Variants in USP48 observed in about 807,000 individuals in gnomAD.
USP48 encodes ubiquitin specific peptidase 48, also known as ubiquitin carboxyl-terminal hydrolase 48.
USP48 carries 43 observed loss-of-function variants against 150.7 expected under a neutral mutation model. The ratio of observed to expected loss-of-function variants is 0.29; its 90% CI spans 0.22 to 0.37. The LOEUF is 0.37. USP48 is among the 10% of genes least tolerant of loss of function. USP48 has a pLI of 1.00. For missense variants in USP48, 813 were observed against 1,249.6 expected, an observed-to-expected ratio of 0.65 and a Z score of 5.27; for synonymous variants, 396 against 425.9, an observed-to-expected ratio of 0.93 and a Z score of 0.86.
chr1:21,778,222 C>T (rs1263084575), intron 1 of USP48, among the ~76,000 whole-genome samples: 1 of 151,458 alleles, frequency 6.6e-6, no homozygotes, highest in Non-Finnish European at 1.5e-5. Flanking sequence ...TAAAAGCACG[C>T]AAAGGATTTA....
intron 3 of USP48, among the ~76,000 whole-genome samples, chr1:21,753,711 C>T (rs1374679998): frequency 6.6e-6 from 1 of 150,642 alleles, no homozygotes; most frequent in African/African-American, 2.4e-5. Context: ...CCTGTAATCC[C>T]TGCTACTTGG....
In USP48 at chr1:21,736,434, T is replaced by C. The variant is rs757632072; in HGVS notation, c.1171+12A>G. The C allele has an allele frequency of 1.9e-6, 3 of 1,589,764 alleles. No individual in the cohort carries two copies. The highest frequency in any genetic ancestry group is 2.6e-6 in the Non-Finnish European group (3 of 1,172,918). On this transcript the variant is annotated intron_variant, in intron 9 of 26. Transcript: ENST00000308271. ...ATATTTTAAAAGGGCACTCACAACTTAAAGGTTTTACCTAGATCTTCCTCA... is the reference window on the plus strand; with the variant it reads ...ATATTTTAAAAGGGCACTCACAACTCAAAGGTTTTACCTAGATCTTCCTCA...
chr1:21,770,334 G>A (rs1275281025), intron 1 of USP48, among the ~76,000 whole-genome samples: 1 of 152,062 alleles, frequency 6.6e-6, no homozygotes, highest in East Asian at 1.9e-4. Context: ...TTAAGGGTAA[G>A]TGGTTCCCTT....
At chr1:21,705,692 A>G in intron 19 of USP48, 35 bp downstream of exon 19, 1 of 1,467,860 alleles carries the variant, frequency 6.8e-7, no homozygotes. Flanking sequence ...AAGAGAAAAG[A>G]AGAAAAAAAA....
intron 13 of USP48, 43 bp from the exon 14 acceptor site, chr1:21,721,209 C>T (rs765291759): frequency 9.3e-6 from 15 of 1,606,222 alleles, no homozygotes; most frequent in African/African-American, 1.3e-5. Flanking sequence ...GTAATATTTC[C>T]AAACACTGTC....
chr1:21,734,345 G>A (rs933667095), intron 9 of USP48, among the ~76,000 whole-genome samples: 8 of 152,070 alleles, frequency 5.3e-5, no homozygotes, highest in Admixed American at 2.6e-4. Context: ...GCTGCAGTGA[G>A]CCATGTTCAT....
At position 21,693,067 on chromosome 1, in the gene USP48, A is replaced by T. The variant is rs181373853; in HGVS notation, c.2883+1999T>A. Among the ~76,000 whole-genome samples, 1,363 of 152,210 alleles carry T rather than the reference A, an allele frequency of 9.0e-3. 15 individuals are homozygous for T. The highest frequency in any genetic ancestry group is 0.014 in the Non-Finnish European group (969 of 68,012). On this transcript the variant is annotated intron_variant, in intron 23 of 26. Coordinates refer to ENST00000308271, the MANE Select transcript of USP48 (RefSeq NM_032236.8). ...GCTTGCGATGCTGTGTGGGGCTGAA[A>T]AAAGAAAATATAGAAGCGATCGCCT...
chr1:21,694,832 A>AT (rs1366852328), intron 23 of USP48, among the ~76,000 whole-genome samples: 1 of 152,190 alleles, frequency 6.6e-6, no homozygotes, highest in African/African-American at 2.4e-5. Flanking sequence ...CATGTGACAA[A>AT]TTAAGTGGTT....
intron 14 of USP48, 55 bp from the exon 15 acceptor site, chr1:21,715,512 G>C: frequency 2.6e-6 from 3 of 1,170,516 alleles, no homozygotes; most frequent in East Asian, 2.4e-5. Flanking sequence ...ACTTAAAGTT[G>C]AAAGTAGCAG....
rs2152486446 is a variant in USP48 at position 21,679,313 on chromosome 1, A to G, written c.*104T>C. On this transcript the variant is annotated 3_prime_UTR_variant, in exon 27 of 27. Transcript: ENST00000308271. ...TGGATTTCTGCCTTTTGGAAGGGGCATGTAATGGTTTAATTCTTAAATCCA... is the reference window on the plus strand; with the variant it reads ...TGGATTTCTGCCTTTTGGAAGGGGCGTGTAATGGTTTAATTCTTAAATCCA... 2.1e-6 allele frequency: 3 copies of G among 1,413,920 alleles called. No individual in the cohort carries two copies. The East Asian group carries it at 6.8e-5, about 32-fold the overall frequency. The allele number at this position is 1,413,920 out of a possible 1,614,324, so 87.6% of individuals were successfully genotyped here.
intron 22 of USP48, among the ~76,000 whole-genome samples, chr1:21,699,574 C>T (rs187047274): frequency 1.5e-4 from 23 of 151,334 alleles, no homozygotes; most frequent in Admixed American, 1.3e-3. Context: ...AGTGCAGTGG[C>T]GTGATCTCAG....
chr1:21,712,290 T>G (rs1197960325), intron 15 of USP48, among the ~76,000 whole-genome samples: 2 of 152,044 alleles, frequency 1.3e-5, no homozygotes, highest in Non-Finnish European at 2.9e-5. Flanking sequence ...ACCCAGAAGG[T>G]GGAGGTTGTA....
chr1:21,745,136 G>A (rs1039233962), intron 8 of USP48, among the ~76,000 whole-genome samples: 4 of 152,072 alleles, frequency 2.6e-5, no homozygotes, highest in Admixed American at 2.0e-4. Flanking sequence ...CAAATCCTAT[G>A]CAATTAACAA....
intron 11 of USP48, among the ~76,000 whole-genome samples, chr1:21,725,626 G>A (rs184244907): frequency 2.7e-5 from 4 of 150,112 alleles, no homozygotes; most frequent in African/African-American, 9.9e-5. Flanking sequence ...GGCGGCACAC[G>A]ACTGTAATAC....
At chr1:21,694,220 A>G (rs1176774671) in intron 23 of USP48, among the ~76,000 whole-genome samples, 1 of 152,150 alleles carries the variant, frequency 6.6e-6, no homozygotes, top group African/African-American at 2.4e-5. Flanking sequence ...GATGGAGAGG[A>G]CATATCTAAA....
chr1:21,693,115 T>C (rs1036232628), intron 23 of USP48, among the ~76,000 whole-genome samples: 3 of 152,168 alleles, frequency 2.0e-5, no homozygotes, highest in African/African-American at 7.2e-5. Flanking sequence ...ATTTCACTTC[T>C]GTGCCAAAAT....
rs527577256 is a variant in USP48 at position 21,756,229 on chromosome 1, G to A, written c.412+317C>T. 1.8e-4 allele frequency among the ~76,000 whole-genome samples: 27 copies of A among 151,780 alleles called. 1 individual carries two copies. The highest frequency in any genetic ancestry group is 2.2e-4 in the Non-Finnish European group (15 of 67,938). ...GACACAGTGGCTCACACCTGTAGTC[G>A]CAGCACTTTGGAAGGCCGAGGCAGC... is the stretch of plus-strand genomic sequence containing the variant. On this transcript the variant is annotated intron_variant, in intron 3 of 26. Transcript: ENST00000308271.
At chr1:21,774,597 G>A (rs2097892364) in intron 1 of USP48, among the ~76,000 whole-genome samples, 1 of 152,034 alleles carries the variant, frequency 6.6e-6, no homozygotes, top group Admixed American at 6.6e-5. Context: ...TGAGGCAGGA[G>A]AATTGCTTGA....
rs34024479 is a variant in USP48, at chr1:21,710,800, TA to T, written c.1964-3933del. ...ACATCATCAAATCACAATAAAGAAT[TA>T]AAAAAAAAAAAACTTTTATTTTTAG... On this transcript the variant is annotated intron_variant, in intron 15 of 26. Transcript: ENST00000308271. 3.4e-3 allele frequency among the ~76,000 whole-genome samples: 489 copies of T among 145,490 alleles called. 4 individuals are homozygous for T. The highest frequency in any genetic ancestry group is 0.018 in the Middle Eastern group (5 of 282).
Sources: allele counts gnomAD v4.1 joint callset (sites outside exome capture counted in the v4.1 genomes callset), GRCh38; gene constraint gnomAD v4.1.1; transcripts MANE v1.5; gene names NCBI Gene and HGNC (gene_info 2026-07-23, HGNC 2026-07-21).